The following ALK variants were observed in gnomAD, a reference collection of about 807,000 sequenced individuals.
ALK encodes ALK tyrosine kinase receptor.
In ALK, 74 loss-of-function variants were observed where a neutral mutation model predicts 163.1. The observed-to-expected ratio is 0.45, with a 90% CI of 0.38 to 0.55. The LOEUF (loss-of-function observed/expected upper bound fraction) is 0.55. Among genes scored for constraint, ALK ranks in the 20% least tolerant of loss-of-function variants. The pLI, the probability that ALK is intolerant of heterozygous loss-of-function variation, is 0.00. For missense variants in ALK, 2,063 were observed against 2,105.3 expected (o/e 0.98, Z 0.39); for synonymous variants, 960 against 843.2 (o/e 1.14, Z -2.40).
chr2:29,295,688 C>A (rs1666153987), intron 9 of ALK, among the ~76,000 whole-genome samples: 1 of 152,172 alleles, frequency 6.6e-6, no homozygotes. Context: ...AATGTGAAAC[C>A]AGCTTTACAC....
At chr2:29,678,456 C>T (rs2148276728) in intron 3 of ALK, among the ~76,000 whole-genome samples, 1 of 151,376 alleles carries the variant, frequency 6.6e-6, no homozygotes, top group East Asian at 1.9e-4. Context: ...TTTCTCTGAG[C>T]ACTTTTAAAT....
intron 3 of ALK, among the ~76,000 whole-genome samples, chr2:29,686,322 T>C (rs1040842389): frequency 2.0e-5 from 3 of 152,156 alleles, no homozygotes; most frequent in African/African-American, 7.2e-5. Flanking sequence ...TGATCCTATC[T>C]TGGCTCTGTG....
At chr2:29,397,570 C>G (rs1669340895) in intron 4 of ALK, among the ~76,000 whole-genome samples, 1 of 152,196 alleles carries the variant, frequency 6.6e-6, no homozygotes, top group African/African-American at 2.4e-5. Flanking sequence ...GAGAAACAAA[C>G]TTTAAAAGTA....
chr2:29,760,657 T>C (rs1196251310), intron 1 of ALK, among the ~76,000 whole-genome samples: 1 of 152,206 alleles, frequency 6.6e-6, no homozygotes, highest in Non-Finnish European at 1.5e-5. Context: ...TCACAAGTTA[T>C]GCTGTCTGAC....
chr2:29,361,927 T>G (rs1347990400), intron 5 of ALK, among the ~76,000 whole-genome samples: 2 of 152,224 alleles, frequency 1.3e-5, no homozygotes, highest in African/African-American at 4.8e-5. Context: ...CCCATCCTTT[T>G]TCATCACTTC....
chr2:29,480,579 C>T (rs962377243), intron 4 of ALK, among the ~76,000 whole-genome samples: 5 of 151,950 alleles, frequency 3.3e-5, no homozygotes, highest in African/African-American at 7.3e-5. Flanking sequence ...TTTATTGCCC[C>T]GTTGCCCCAG....
intron 3 of ALK, among the ~76,000 whole-genome samples, chr2:29,684,998 G>C (rs1678194021): frequency 6.6e-6 from 1 of 152,192 alleles, no homozygotes; most frequent in Non-Finnish European, 1.5e-5. Flanking sequence ...GAAAGACTCA[G>C]CTTCCTCTCT....
chr2:29,759,827 T>G (rs1455237694), intron 1 of ALK, among the ~76,000 whole-genome samples: 1 of 152,238 alleles, frequency 6.6e-6, no homozygotes, highest in Admixed American at 6.5e-5. Context: ...CATTGTCACA[T>G]TAATTCATTT....
Position 29,920,162 on chromosome 2 carries a change from G to A in ALK, c.498C>T (p.Leu166=), listed in dbSNP as rs373986433. ...GPPGEAAVGL[L]QFNLSELFSW... ...TGAACAGCTCGCTGAGATTGAACTG[G>A]AGCAGCCCCACAGCCGCCTCCCCGG... The change falls in exon 1 of 29, where the codon CTC becomes CTT. Residue 166 remains leucine (L), a synonymous_variant. Coordinates refer to ENST00000389048, the MANE Select transcript of ALK (RefSeq NM_004304.5). 1.4e-5 allele frequency: 23 copies of A among 1,613,648 alleles called. No homozygotes were observed. In the African/African-American group the frequency reaches 2.9e-4, roughly 21 times the overall value.
At chr2:29,238,014 GA>G (rs1664425855) in intron 13 of ALK, among the ~76,000 whole-genome samples, 1 of 152,182 alleles carries the variant, frequency 6.6e-6, no homozygotes, top group Admixed American at 6.5e-5. Context: ...AGCAAAGACG[GA>G]GGGCTGTGTA....
chr2:29,669,525 A>G (rs988401895), intron 3 of ALK, among the ~76,000 whole-genome samples: 2 of 152,034 alleles, frequency 1.3e-5, no homozygotes, highest in African/African-American at 4.8e-5. Context: ...GGCAGCATAT[A>G]GCTGAATTTT....
At chr2:29,579,269 G>A (rs781051415) in intron 3 of ALK, among the ~76,000 whole-genome samples, 4 of 152,162 alleles carry the variant, frequency 2.6e-5, no homozygotes, top group East Asian at 1.9e-4. Context: ...CCTAAGTTCC[G>A]TTCCAGCTTT....
intron 23 of ALK, among the ~76,000 whole-genome samples, chr2:29,216,936 T>TGTGTGTG (rs1558619256): frequency 3.3e-3 from 25 of 7,654 alleles, no homozygotes; most frequent in Non-Finnish European, 0.015. Context: ...GTGTGGGGGG[T>TGTGTGTG]GTGTGTGTGG....
At chr2:29,407,961 C>T (rs1669628588) in intron 4 of ALK, among the ~76,000 whole-genome samples, 1 of 152,002 alleles carries the variant, frequency 6.6e-6, no homozygotes, top group Non-Finnish European at 1.5e-5. Flanking sequence ...CCAAGAAGTC[C>T]CAGAGACTGT....
At chr2:29,291,079 T>C (rs1400004627) in intron 9 of ALK, among the ~76,000 whole-genome samples, 3 of 152,182 alleles carry the variant, frequency 2.0e-5, no homozygotes, top group Non-Finnish European at 2.9e-5. Context: ...ACAATGGCTA[T>C]TGACCAGGTG....
At chr2:29,208,959 G>C in intron 25 of ALK, among the ~76,000 whole-genome samples, 1 of 149,738 alleles carries the variant, frequency 6.7e-6, no homozygotes, top group East Asian at 1.9e-4. Context: ...ATGTGACAGG[G>C]AAAAAAAAAA....
intron 3 of ALK, among the ~76,000 whole-genome samples, chr2:29,539,238 T>A (rs1673348427): frequency 6.6e-6 from 1 of 152,214 alleles, no homozygotes; most frequent in African/African-American, 2.4e-5. Context: ...TCTCTATAGA[T>A]CCAAGAATGC....
intron 1 of ALK, among the ~76,000 whole-genome samples, chr2:29,744,809 G>A (rs1322343743): frequency 6.6e-6 from 1 of 152,002 alleles, no homozygotes; most frequent in African/African-American, 2.4e-5. Context: ...TCAAGATGGG[G>A]GGTACCGAGA....
chr2:29,197,441 C>T (rs1282600637), intron 27 of ALK, 101 bp downstream of exon 27: 2 of 1,543,632 alleles, frequency 1.3e-6, no homozygotes, highest in Admixed American at 1.8e-5. Flanking sequence ...GGAGGGCAGC[C>T]ATCTGCCCCT....
Sources: allele counts gnomAD v4.1 joint callset (sites outside exome capture counted in the v4.1 genomes callset), GRCh38; gene constraint gnomAD v4.1.1; transcripts MANE v1.5; gene names NCBI Gene and HGNC (gene_info 2026-07-23, HGNC 2026-07-21).